SLC39A10: variants seen among roughly 807,000 people sequenced by gnomAD.
The protein encoded by SLC39A10 is zinc transporter ZIP10.
Under a neutral mutation model 65.1 loss-of-function variants are expected in SLC39A10, and 13 were observed. That is an observed-to-expected ratio of 0.20 (90% CI 0.13 to 0.32). SLC39A10 has a LOEUF of 0.32. Among genes scored for constraint, SLC39A10 ranks in the 10% least tolerant of loss-of-function variants. SLC39A10 has a pLI of 1.00. For missense variants in SLC39A10, 831 were observed against 1,018.4 expected, an observed-to-expected ratio of 0.82 and a Z score of 2.50; for synonymous variants, 321 against 342.2, an observed-to-expected ratio of 0.94 and a Z score of 0.68.
intron 4 of SLC39A10, among the ~76,000 whole-genome samples, chr2:195,708,279 T>C (rs1040003168): frequency 5.9e-5 from 9 of 152,214 alleles, no homozygotes; most frequent in Non-Finnish European, 1.5e-5. Flanking sequence ...AAGTGACTGC[T>C]GGTGAATTAG....
chr2:195,617,852 G>T (rs1688256490), intron 2 of SLC39A10, among the ~76,000 whole-genome samples: 1 of 151,144 alleles, frequency 6.6e-6, no homozygotes, highest in African/African-American at 2.4e-5. Context: ...CCATTCTCCT[G>T]CCTCAGCCTC....
chr2:195,661,448 C>G (rs1689395279), intron 1 of SLC39A10, among the ~76,000 whole-genome samples: 1 of 152,122 alleles, frequency 6.6e-6, no homozygotes, highest in African/African-American at 2.4e-5. Flanking sequence ...CCATGTTGTC[C>G]AGGCTGGTCA....
intron 3 of SLC39A10, among the ~76,000 whole-genome samples, chr2:195,700,343 G>C (rs1409701614): frequency 6.6e-6 from 1 of 151,832 alleles, no homozygotes; most frequent in African/African-American, 2.4e-5. Context: ...ACTTTTTTTG[G>C]TAGTGAAAAG....
chr2:195,667,430 C>A (rs1375185532), intron 1 of SLC39A10, among the ~76,000 whole-genome samples: 2 of 152,184 alleles, frequency 1.3e-5, no homozygotes, highest in East Asian at 3.8e-4. Context: ...GTCTTTCCAA[C>A]TTCTGCTCAG....
chr2:195,709,585 A>G (rs1188021532), intron 5 of SLC39A10, among the ~76,000 whole-genome samples: 2 of 152,130 alleles, frequency 1.3e-5, no homozygotes, highest in Non-Finnish European at 2.9e-5. Context: ...TATGTTGCCC[A>G]GGCTGGTCTT....
At chr2:195,700,051 G>T (rs1336375067) in intron 3 of SLC39A10, among the ~76,000 whole-genome samples, 1 of 151,898 alleles carries the variant, frequency 6.6e-6, no homozygotes, top group Non-Finnish European at 1.5e-5. Context: ...GCTCTCTTTT[G>T]GTTACTATTT....
chr2:195,727,889 C>T (rs1692303062), intron 8 of SLC39A10, among the ~76,000 whole-genome samples: 1 of 152,092 alleles, frequency 6.6e-6, no homozygotes, highest in African/African-American at 2.4e-5. Context: ...CCCCTGGCAA[C>T]CACTAACTGT....
chr2:195,690,842 GT>G (rs1690712115), intron 3 of SLC39A10, among the ~76,000 whole-genome samples: 2 of 151,892 alleles, frequency 1.3e-5, no homozygotes, highest in Non-Finnish European at 2.9e-5. Flanking sequence ...GTTGATAATT[GT>G]CTTTTTGTTT....
At chr2:195,687,183 T>A (rs1429638943) in intron 3 of SLC39A10, among the ~76,000 whole-genome samples, 1 of 152,154 alleles carries the variant, frequency 6.6e-6, no homozygotes, top group Non-Finnish European at 1.5e-5. Flanking sequence ...TGCCTGTAAA[T>A]TCTCACTGTG....
intron 2 of SLC39A10, among the ~76,000 whole-genome samples, chr2:195,635,301 G>T (rs1688675641): frequency 6.6e-6 from 1 of 152,130 alleles, no homozygotes; most frequent in Non-Finnish European, 1.5e-5. Context: ...GGCCAGACTT[G>T]TGTCATGTAT....
At chr2:195,717,132 T>C in intron 7 of SLC39A10, 127 bp downstream of exon 7, 1 of 1,298,806 alleles carries the variant, frequency 7.7e-7, no homozygotes, top group Non-Finnish European at 1.0e-6. Context: ...TCCCAAAGGC[T>C]ACAGTTTTGT....
intron 8 of SLC39A10, among the ~76,000 whole-genome samples, chr2:195,726,944 A>G (rs1444796156): frequency 2.0e-5 from 3 of 152,196 alleles, no homozygotes; most frequent in Non-Finnish European, 4.4e-5. Flanking sequence ...TTATTATAGT[A>G]TGTAAAGCTA....
rs116869337 is a variant in SLC39A10 at position 195,685,461 on chromosome 2, G to A, written c.1216+1555G>A. Among the ~76,000 whole-genome samples, 89 of 152,040 alleles carry A rather than the reference G, an allele frequency of 5.9e-4. No homozygotes were observed. The East Asian group carries it at 0.015, about 26-fold the overall frequency. ...CTTTACTTGGCCCACAAGGCTTTCC[G>A]TAATATGATCCTCCCTGCCTGCCTT... On this transcript the variant is annotated intron_variant, in intron 3 of 9. Coordinates refer to ENST00000359634, the MANE Select transcript of SLC39A10 (RefSeq NM_020342.3).
At chr2:195,618,367 A>G (rs1056678546) in intron 2 of SLC39A10, among the ~76,000 whole-genome samples, 8 of 152,004 alleles carry the variant, frequency 5.3e-5, no homozygotes, top group South Asian at 2.1e-4. Flanking sequence ...AAAAAAAAAA[A>G]AGAGAGAGAA....
chr2:195,636,788 C>A (rs1688705727), intron 2 of SLC39A10, among the ~76,000 whole-genome samples: 2 of 151,918 alleles, frequency 1.3e-5, no homozygotes, highest in Non-Finnish European at 2.9e-5. Context: ...ATAATCCCAG[C>A]ACTTTGGGAG....
intron 3 of SLC39A10, among the ~76,000 whole-genome samples, chr2:195,690,038 G>A (rs961480550): frequency 2.0e-5 from 3 of 151,864 alleles, no homozygotes; most frequent in Admixed American, 2.0e-4. Context: ...TTAGCTGGAT[G>A]TGGTGGCGGG....
chr2:195,650,604 C>G (rs1689011800), intron 2 of SLC39A10, among the ~76,000 whole-genome samples: 1 of 151,944 alleles, frequency 6.6e-6, no homozygotes, highest in Non-Finnish European at 1.5e-5. Flanking sequence ...TCTGGTTATT[C>G]TTAGGTTAGG....
chr2:195,658,801 T>A (rs1206702275), intron 1 of SLC39A10, among the ~76,000 whole-genome samples: 2 of 121,982 alleles, frequency 1.6e-5, no homozygotes, highest in Non-Finnish European at 4.2e-5. Context: ...AGTGGCTCCT[T>A]ACTGGAAACA....
chr2:195,657,927 C>A (rs1689223719), intron 1 of SLC39A10: 2 of 152,538 alleles, frequency 1.3e-5, no homozygotes, highest in African/African-American at 4.8e-5. Flanking sequence ...AAAGCCGAGG[C>A]GGAGCGCGGG....
Sources: gnomAD v4.1 joint callset for allele counts (sites outside exome capture counted in the v4.1 genomes callset) on GRCh38, gnomAD v4.1.1 for gene constraint, MANE v1.5 for transcripts, NCBI Gene and HGNC (gene_info 2026-07-23, HGNC 2026-07-21) for gene names.